The following SYNJ1 variants were observed in gnomAD, a reference collection of about 807,000 sequenced individuals.
The protein encoded by SYNJ1 is synaptojanin 1.
SYNJ1 carries 78 observed loss-of-function variants against 168.2 expected under a neutral mutation model. The observed-to-expected ratio is 0.46, with a 90% CI of 0.39 to 0.56. The LOEUF (loss-of-function observed/expected upper bound fraction) is 0.56. Among genes scored for constraint, SYNJ1 ranks in the 20% least tolerant of loss-of-function variants. SYNJ1 has a pLI of 0.00. For missense variants in SYNJ1, 1,303 were observed against 1,597.6 expected, an observed-to-expected ratio of 0.82 and a Z score of 3.14; for synonymous variants, 539 against 548.6, an observed-to-expected ratio of 0.98 and a Z score of 0.24.
intron 2 of SYNJ1, among the ~76,000 whole-genome samples, chr21:32,715,770 G>A (rs114453816): frequency 0.012 from 1,817 of 152,140 alleles, 38 homozygotes; most frequent in African/African-American, 0.041. Flanking sequence ...TTAATGTTTT[G>A]AGACAATAAA....
chr21:32,685,075 A>G (rs1347806454), intron 9 of SYNJ1, among the ~76,000 whole-genome samples: 1 of 150,932 alleles, frequency 6.6e-6, no homozygotes, highest in Non-Finnish European at 1.5e-5. Flanking sequence ...CCAGCTACTC[A>G]GGAGGCTGAG....
intron 2 of SYNJ1, among the ~76,000 whole-genome samples, chr21:32,719,742 A>G (rs1352819620): frequency 6.6e-6 from 1 of 151,722 alleles, no homozygotes; most frequent in Admixed American, 6.6e-5. Flanking sequence ...AGAAAAAGAA[A>G]AGCTATTTAG....
At chr21:32,720,809 G>A (rs980279759) in intron 2 of SYNJ1, among the ~76,000 whole-genome samples, 3 of 152,190 alleles carry the variant, frequency 2.0e-5, no homozygotes, top group Non-Finnish European at 4.4e-5. Flanking sequence ...TCTGTTTTTA[G>A]AGTTATCCTC....
intron 31 of SYNJ1, among the ~76,000 whole-genome samples, chr21:32,637,333 G>GA (rs5843561): frequency 1.2e-3 from 170 of 144,674 alleles, no homozygotes; most frequent in Admixed American, 1.3e-3. Flanking sequence ...TGGATTAGCA[G>GA]AAAAAAAAAA....
chr21:32,697,644 A>C (rs2042257316), intron 4 of SYNJ1, among the ~76,000 whole-genome samples: 1 of 152,208 alleles, frequency 6.6e-6, no homozygotes, highest in Non-Finnish European at 1.5e-5. Context: ...TATTAAAAAC[A>C]CAAAAATATT....
chr21:32,660,552 A>T (rs561801178), intron 18 of SYNJ1, among the ~76,000 whole-genome samples: 1 of 152,240 alleles, frequency 6.6e-6, no homozygotes, highest in Non-Finnish European at 1.5e-5. Context: ...ACTGGGAGTT[A>T]TACATGGACG....
chr21:32,701,295 G>C (rs891502456), intron 3 of SYNJ1, among the ~76,000 whole-genome samples: 2 of 152,078 alleles, frequency 1.3e-5, no homozygotes, highest in Non-Finnish European at 2.9e-5. Context: ...ACTTACACCA[G>C]AATGGAAATC....
At chr21:32,703,973 A>G (rs1236585707) in intron 2 of SYNJ1, among the ~76,000 whole-genome samples, 1 of 152,092 alleles carries the variant, frequency 6.6e-6, no homozygotes, top group East Asian at 1.9e-4. Flanking sequence ...CTCCTGTCTG[A>G]GCCTCTCGAA....
intron 3 of SYNJ1, among the ~76,000 whole-genome samples, chr21:32,701,544 CAAA>C (rs113945632): frequency 9.5e-6 from 1 of 105,136 alleles, no homozygotes; most frequent in Admixed American, 9.9e-5. Context: ...CATTACGTGG[CAAA>C]AAAAAAAAAA....
At chr21:32,695,597 C>T (rs1464578194) in intron 4 of SYNJ1, among the ~76,000 whole-genome samples, 1 of 151,520 alleles carries the variant, frequency 6.6e-6, no homozygotes, top group Non-Finnish European at 1.5e-5. Flanking sequence ...TATGCATGTC[C>T]CCACCCCAAT....
In SYNJ1 at chr21:32,676,238, T is replaced by G. The variant is rs2041403273; in HGVS notation, c.1534+94A>C. On this transcript the variant is annotated intron_variant, in intron 13 of 32. Coordinates refer to ENST00000674351, the MANE Select transcript of SYNJ1 (RefSeq NM_203446.3). Reference sequence around the variant, plus strand: ...GGATCTGATGGCAAAATGAGAAAGTTTCCAATTATATGGCTTTATTTGTTT... The same window carrying G: ...GGATCTGATGGCAAAATGAGAAAGTGTCCAATTATATGGCTTTATTTGTTT... The G allele has an allele frequency of 4.0e-6, 4 of 995,616 alleles. No individual in the cohort carries two copies. The East Asian group carries it at 1.1e-4, about 28-fold the overall frequency. The allele number at this position is 995,616 out of a possible 1,614,324, so 61.7% of individuals were successfully genotyped here.
intron 2 of SYNJ1, among the ~76,000 whole-genome samples, chr21:32,703,422 T>C (rs2042483992): frequency 6.6e-6 from 1 of 152,224 alleles, no homozygotes; most frequent in African/African-American, 2.4e-5. Context: ...TGTAAAACAT[T>C]ACAATATAAA....
At chr21:32,641,118 T>C (rs2039816481) in intron 29 of SYNJ1, among the ~76,000 whole-genome samples, 2 of 152,212 alleles carry the variant, frequency 1.3e-5, no homozygotes, top group Non-Finnish European at 2.9e-5. Context: ...TCTATCTTCA[T>C]AGGAAGTGGT....
intron 2 of SYNJ1, among the ~76,000 whole-genome samples, chr21:32,723,184 T>C (rs909233590): frequency 6.6e-6 from 1 of 152,348 alleles, no homozygotes; most frequent in Non-Finnish European, 1.5e-5. Flanking sequence ...CGTGGGTCCC[T>C]AAGGGGATCC....
rs138334718 is a variant in SYNJ1, at chr21:32,639,057, G to T, written c.3766C>A (p.Pro1256Thr). ...AGAGGCTCTTGCAACCTTTGAGCAG[G>T]CGGGGGCAAAGAAGACTGCGGAGGA... ...AFPPQSSLPP[P>T]AQRLQEPLVP... Residue 1256 changes from proline (P) to threonine (T), a missense_variant, in exon 31 of 33, where the codon CCT becomes ACT. By Grantham distance (38) the Pro-to-Thr change is conservative. Transcript: ENST00000674351. 6.2e-7 allele frequency: 1 copy of T among 1,614,100 alleles called. No homozygotes were observed. The highest frequency in any genetic ancestry group is 8.5e-7 in the Non-Finnish European group (1 of 1,179,994).
At chr21:32,728,376 C>G (rs1484857249), upstream of SYNJ1, 4 of 257,656 alleles carry the variant, frequency 1.6e-5, no homozygotes, top group Non-Finnish European at 2.3e-5. Flanking sequence ...CCGCCGCCCC[C>G]ACGGGCCTGA....
chr21:32,659,613 C>T (rs557734392), intron 18 of SYNJ1, among the ~76,000 whole-genome samples: 2 of 152,242 alleles, frequency 1.3e-5, no homozygotes, highest in South Asian at 2.1e-4. Flanking sequence ...GTGCATGCAG[C>T]CCCCAGTCAC....
chr21:32,722,205 A>ATATATAT (rs1555913162), intron 2 of SYNJ1, among the ~76,000 whole-genome samples: 6 of 65,750 alleles, frequency 9.1e-5, no homozygotes, highest in Admixed American at 1.7e-4. Context: ...AAAAAAAAAA[A>ATATATAT]ATATATATAT....
At chr21:32,636,635 T>C (rs2145697655) in intron 31 of SYNJ1, among the ~76,000 whole-genome samples, 1 of 152,196 alleles carries the variant, frequency 6.6e-6, no homozygotes, top group Admixed American at 6.5e-5. Flanking sequence ...ATTTTTAAAA[T>C]AGGCATTATT....
Sources: gnomAD v4.1 joint callset for allele counts (sites outside exome capture counted in the v4.1 genomes callset) on GRCh38, gnomAD v4.1.1 for gene constraint, MANE v1.5 for transcripts, NCBI Gene and HGNC (gene_info 2026-07-23, HGNC 2026-07-21) for gene names.